SBF2: variants seen among roughly 807,000 people sequenced by gnomAD.
The protein encoded by SBF2 is myotubularin-related protein 13.
A neutral mutation model predicts 225.2 loss-of-function variants in SBF2; 112 were observed. The observed-to-expected ratio is 0.50, with a 90% CI of 0.43 to 0.58. SBF2 has a LOEUF of 0.58. Among genes scored for constraint, SBF2 ranks in the 20% least tolerant of loss-of-function variants. SBF2 has a pLI of 0.00. For synonymous variants in SBF2, 763 were observed against 773.3 expected (o/e 0.99, Z 0.22); for missense variants, 1,996 against 2,206.2 (o/e 0.90, Z 1.91).
chr11:9,819,546 T>A (rs1005140873), intron 28 of SBF2: 1 of 152,132 alleles, frequency 6.6e-6, no homozygotes, highest in Non-Finnish European at 1.5e-5. Flanking sequence ...ATAAGCACAA[T>A]GAAATGGACA....
rs929094639 is a variant in SBF2 at position 9,804,080 on chromosome 11, T to C, written c.4443+3920A>G. Among the ~76,000 whole-genome samples, 52 of 152,144 alleles carry C rather than the reference T, an allele frequency of 3.4e-4. 1 individual carries two copies. Among genetic ancestry groups the C allele is most frequent in the South Asian group, 2.1e-3 (10 of 4,832 alleles). ...GGACCCCAGGTCCTTTCCCACCCCATGTAGTCATATGATTACCCTTTTCAG... is the reference window on the plus strand; with the variant it reads ...GGACCCCAGGTCCTTTCCCACCCCACGTAGTCATATGATTACCCTTTTCAG... On this transcript the variant is annotated intron_variant, in intron 32 of 39. Transcript: ENST00000256190.
At chr11:10,103,125 C>G (rs1048963342) in intron 2 of SBF2, among the ~76,000 whole-genome samples, 1 of 151,966 alleles carries the variant, frequency 6.6e-6, no homozygotes, top group Non-Finnish European at 1.5e-5. Context: ...ACAGAGTAAA[C>G]GTTTTTCTTT....
rs118052619 is a variant in SBF2 at position 10,063,036 on chromosome 11, C to T, written c.142-20055G>A. The stretch of plus-strand genomic sequence containing the variant: ...AAAAGAAAGAGATCATGTCTTTTGC[C>T]GGACCATGGATGGAGCTACAGGCTA... On this transcript the variant is annotated intron_variant, in intron 2 of 39. Coordinates refer to ENST00000256190, the MANE Select transcript of SBF2 (RefSeq NM_030962.4). Among the ~76,000 whole-genome samples the T allele has an allele frequency of 7.9e-5, 12 of 152,084 alleles. No individual in the cohort carries two copies. The East Asian group carries it at 1.9e-3, about 25-fold the overall frequency.
At chr11:9,994,096 T>C in intron 9 of SBF2, 98 bp from the exon 10 acceptor site, 1 of 917,850 alleles carries the variant, frequency 1.1e-6, no homozygotes, top group Non-Finnish European at 1.7e-6. Flanking sequence ...AATTATAATA[T>C]ATTCCCTCCA....
At chr11:10,012,761 GA>G (rs1342534653) in intron 6 of SBF2, among the ~76,000 whole-genome samples, 1 of 151,752 alleles carries the variant, frequency 6.6e-6, no homozygotes, top group Non-Finnish European at 1.5e-5. Context: ...CACTAAATTT[GA>G]ATTATATTTT....
At chr11:10,004,772 TCTA>T (rs999147231) in intron 6 of SBF2, among the ~76,000 whole-genome samples, 19 of 152,244 alleles carry the variant, frequency 1.2e-4, no homozygotes, top group African/African-American at 3.6e-4. Flanking sequence ...TGACTATTCC[TCTA>T]TCTTCCTCTC....
intron 2 of SBF2, among the ~76,000 whole-genome samples, chr11:10,177,587 T>C (rs1956526372): frequency 6.7e-6 from 1 of 148,854 alleles, no homozygotes; most frequent in African/African-American, 2.5e-5. Flanking sequence ...GAACTCCCAT[T>C]CACAATTGCT....
At chr11:10,211,471 C>A (rs956613974) in intron 1 of SBF2, among the ~76,000 whole-genome samples, 4 of 152,126 alleles carry the variant, frequency 2.6e-5, no homozygotes, top group African/African-American at 9.7e-5. Flanking sequence ...CCAATATATC[C>A]CAAAATACTG....
intron 1 of SBF2, among the ~76,000 whole-genome samples, chr11:10,204,060 C>T (rs1957661384): frequency 6.6e-6 from 1 of 151,786 alleles, no homozygotes; most frequent in Non-Finnish European, 1.5e-5. Flanking sequence ...ACGAAGAACA[C>T]ACAGAACTCA....
At chr11:9,939,607 T>C (rs1865127881) in intron 16 of SBF2, among the ~76,000 whole-genome samples, 1 of 152,186 alleles carries the variant, frequency 6.6e-6, no homozygotes, top group African/African-American at 2.4e-5. Context: ...CCACCTTTTT[T>C]GCCCATATAA....
chr11:9,901,469 A>G (rs1861712104), intron 16 of SBF2, among the ~76,000 whole-genome samples: 1 of 152,166 alleles, frequency 6.6e-6, no homozygotes, highest in African/African-American at 2.4e-5. Flanking sequence ...CATAACAGGA[A>G]GGGAGGTCAG....
intron 23 of SBF2, among the ~76,000 whole-genome samples, chr11:9,846,755 T>C (rs1206768985): frequency 6.6e-6 from 1 of 152,208 alleles, no homozygotes; most frequent in African/African-American, 2.4e-5. Context: ...GCTGGTACTC[T>C]GAGTTGGCTA....
chr11:9,901,091 T>G (rs1398679576), intron 16 of SBF2, among the ~76,000 whole-genome samples: 1 of 152,184 alleles, frequency 6.6e-6, no homozygotes, highest in African/African-American at 2.4e-5. Context: ...GTTGTTTTCA[T>G]AATCTGAAAG....
intron 13 of SBF2, among the ~76,000 whole-genome samples, chr11:9,985,638 T>A (rs1369239017): frequency 6.6e-6 from 1 of 152,080 alleles, no homozygotes. Flanking sequence ...GCTATTCTTA[T>A]ATCAGGCAAA....
chr11:10,033,818 C>T (rs986283715), intron 3 of SBF2, among the ~76,000 whole-genome samples: 3 of 152,032 alleles, frequency 2.0e-5, no homozygotes, highest in African/African-American at 7.2e-5. Context: ...TATATAGCTG[C>T]TAGATGTATT....
intron 2 of SBF2, among the ~76,000 whole-genome samples, chr11:10,071,664 C>T (rs1012488685): frequency 6.6e-6 from 1 of 152,188 alleles, no homozygotes; most frequent in Admixed American, 6.5e-5. Flanking sequence ...TTTTGAGATA[C>T]ATTCCATCAA....
At chr11:10,258,340 T>C (rs755596841) in intron 1 of SBF2, among the ~76,000 whole-genome samples, 41 of 152,168 alleles carry the variant, frequency 2.7e-4, no homozygotes, top group Non-Finnish European at 5.4e-4. Context: ...GCTCCCAGCC[T>C]CAAACAAACC....
At chr11:9,941,344 A>C (rs1865242314) in intron 16 of SBF2, among the ~76,000 whole-genome samples, 1 of 152,172 alleles carries the variant, frequency 6.6e-6, no homozygotes, top group African/African-American at 2.4e-5. Flanking sequence ...AAAAAAAAAA[A>C]AATTATCCCA....
chr11:9,954,719 T>C (rs1186075158), intron 16 of SBF2, among the ~76,000 whole-genome samples: 1 of 152,168 alleles, frequency 6.6e-6, no homozygotes, highest in Non-Finnish European at 1.5e-5. Context: ...CCATGTCTTT[T>C]TGTTTCTAGA....
Sources: allele counts gnomAD v4.1 joint callset (sites outside exome capture counted in the v4.1 genomes callset), GRCh38; gene constraint gnomAD v4.1.1; transcripts MANE v1.5; gene names NCBI Gene and HGNC (gene_info 2026-07-23, HGNC 2026-07-21).